GALNTL6: variants seen among roughly 807,000 people sequenced by gnomAD.
GALNTL6 encodes polypeptide N-acetylgalactosaminyltransferase like 6, also known as polypeptide N-acetylgalactosaminyltransferase-like 6.
In GALNTL6, 46 loss-of-function variants were observed where a neutral mutation model predicts 73.7. The observed-to-expected ratio is 0.62, with a 90% CI of 0.49 to 0.80. The LOEUF is 0.80. Among genes scored for constraint, GALNTL6 ranks in the 30% least tolerant of loss-of-function variants. GALNTL6 has a pLI of 0.00. For missense variants in GALNTL6, 604 were observed against 755.0 expected, an observed-to-expected ratio of 0.80 and a Z score of 2.34; for synonymous variants, 259 against 263.7, an observed-to-expected ratio of 0.98 and a Z score of 0.17.
At chr4:172,017,054 C>T (rs1741218879) in intron 2 of GALNTL6, among the ~76,000 whole-genome samples, 1 of 152,114 alleles carries the variant, frequency 6.6e-6, no homozygotes, top group Admixed American at 6.5e-5. Context: ...ATGATTTAGG[C>T]TTCAGGCTAA....
chr4:172,096,657 A>C (rs1015781534), intron 2 of GALNTL6, among the ~76,000 whole-genome samples: 15 of 151,786 alleles, frequency 9.9e-5, no homozygotes, highest in African/African-American at 3.6e-4. Flanking sequence ...TTTTCTTTTC[A>C]AATTTTTCTG....
At chr4:172,517,503 G>T (rs1284281076) in intron 5 of GALNTL6, among the ~76,000 whole-genome samples, 4 of 152,130 alleles carry the variant, frequency 2.6e-5, no homozygotes, top group Admixed American at 2.6e-4. Flanking sequence ...CTGGAAAGTA[G>T]TTATAAAATG....
intron 5 of GALNTL6, among the ~76,000 whole-genome samples, chr4:172,615,493 C>G (rs978370318): frequency 1.6e-4 from 25 of 152,250 alleles, no homozygotes; most frequent in African/African-American, 5.8e-4. Flanking sequence ...CCCCCTTACT[C>G]CCTGGAGTTT....
At chr4:171,923,786 CTGTGTGTGTGTGTGTG>C (rs563244976) in intron 2 of GALNTL6, among the ~76,000 whole-genome samples, 20 of 133,206 alleles carry the variant, frequency 1.5e-4, no homozygotes, top group African/African-American at 4.1e-4. Flanking sequence ...AAAAGTATTG[CTGTGTGTGTGTGTGTG>C]TGTGTGTGTG....
intron 2 of GALNTL6, among the ~76,000 whole-genome samples, chr4:171,988,121 G>A (rs138178281): frequency 0.011 from 1,602 of 152,276 alleles, 23 homozygotes; most frequent in African/African-American, 0.036. Context: ...GCCACTGCAC[G>A]CAGACATGAG....
At chr4:173,035,258 A>G (rs1343352799) in intron 12 of GALNTL6, among the ~76,000 whole-genome samples, 1 of 149,372 alleles carries the variant, frequency 6.7e-6, no homozygotes, top group Non-Finnish European at 1.5e-5. Flanking sequence ...GGCTCACCGC[A>G]ACCTCCGCCT....
chr4:172,561,871 T>A (rs968684076), intron 5 of GALNTL6, among the ~76,000 whole-genome samples: 1 of 152,184 alleles, frequency 6.6e-6, no homozygotes, highest in African/African-American at 2.4e-5. Flanking sequence ...TATATTTTTT[T>A]AATTAGCAAA....
rs577809059 is a variant in GALNTL6, at chr4:172,313,448, C to T, written c.386+1696C>T. Among the ~76,000 whole-genome samples, 70 of 152,222 alleles carry T rather than the reference C, an allele frequency of 4.6e-4. 1 individual carries two copies. Among genetic ancestry groups the T allele is most frequent in the African/African-American group, 1.4e-3 (58 of 41,550 alleles). ...CCACCCCAACACTTCTAATCTCAAT[C>T]TCTTAATGTGTATTCAAGTGGAAAT... On this transcript the variant is annotated intron_variant, in intron 4 of 12. Coordinates refer to ENST00000506823, the MANE Select transcript of GALNTL6 (RefSeq NM_001034845.3).
intron 2 of GALNTL6, among the ~76,000 whole-genome samples, chr4:171,898,556 T>A (rs975526867): frequency 6.6e-6 from 1 of 152,098 alleles, no homozygotes; most frequent in Non-Finnish European, 1.5e-5. Context: ...ACAACTTGTA[T>A]GAATCACAAA....
At chr4:173,022,224 G>GAAGT (rs1554012089) in intron 12 of GALNTL6, among the ~76,000 whole-genome samples, 5 of 133,504 alleles carry the variant, frequency 3.7e-5, no homozygotes, top group South Asian at 2.2e-4. Flanking sequence ...AGGAAGGAAG[G>GAAGT]AAGTTTTGAA....
intron 2 of GALNTL6, among the ~76,000 whole-genome samples, chr4:172,002,228 G>A (rs994084986): frequency 2.0e-5 from 3 of 152,168 alleles, no homozygotes. Context: ...TGTTGAAACT[G>A]AATCCTCAAT....
At chr4:172,715,119 T>C (rs1358203512) in intron 5 of GALNTL6, among the ~76,000 whole-genome samples, 1 of 152,218 alleles carries the variant, frequency 6.6e-6, no homozygotes, top group African/African-American at 2.4e-5. Context: ...GTGTATCTAC[T>C]ACTTGAGGCC....
intron 12 of GALNTL6, among the ~76,000 whole-genome samples, chr4:173,039,224 A>G (rs1379605879): frequency 6.6e-6 from 1 of 152,218 alleles, no homozygotes; most frequent in Non-Finnish European, 1.5e-5. Flanking sequence ...TGCAGAAAGC[A>G]ATGAGAACGG....
chr4:172,931,104 T>C lies in GALNTL6; in HGVS notation c.1042-57T>C. 3 of 921,500 alleles carry C rather than the reference T, an allele frequency of 3.3e-6. No individual in the cohort carries two copies. In the Admixed American group the frequency reaches 5.1e-5, roughly 16 times the overall value. The allele number at this position is 921,500 out of a possible 1,614,324, so 57.1% of individuals were successfully genotyped here. On this transcript the variant is annotated intron_variant, in intron 8 of 12. Coordinates refer to ENST00000506823, the MANE Select transcript of GALNTL6 (RefSeq NM_001034845.3). ...AAGATGGTTTATGAGTCCTACTGATTATTCCTTTCTTGTGTGAAATTCACT... is the reference window on the plus strand; with the variant it reads ...AAGATGGTTTATGAGTCCTACTGATCATTCCTTTCTTGTGTGAAATTCACT...
intron 8 of GALNTL6, among the ~76,000 whole-genome samples, chr4:172,897,546 T>G (rs1746395244): frequency 6.6e-6 from 1 of 152,212 alleles, no homozygotes. Flanking sequence ...CAGATGGTTT[T>G]TTATTATAGG....
chr4:172,296,083 A>G (rs1308620513), intron 3 of GALNTL6, among the ~76,000 whole-genome samples: 13 of 152,130 alleles, frequency 8.5e-5, no homozygotes, highest in African/African-American at 2.9e-4. Context: ...TAACTCATCA[A>G]TGATATATGA....
intron 5 of GALNTL6, among the ~76,000 whole-genome samples, chr4:172,382,176 C>A (rs923276482): frequency 6.6e-6 from 1 of 152,040 alleles, no homozygotes; most frequent in Non-Finnish European, 1.5e-5. Flanking sequence ...ACCATTTTGG[C>A]AAGGCTGGTC....
At chr4:172,972,547 A>G (rs969431898) in intron 10 of GALNTL6, among the ~76,000 whole-genome samples, 12 of 152,224 alleles carry the variant, frequency 7.9e-5, no homozygotes, top group African/African-American at 2.4e-5. Flanking sequence ...AATAACTTCA[A>G]TCCAATCAGT....
intron 2 of GALNTL6, among the ~76,000 whole-genome samples, chr4:171,878,630 T>A (rs1476626957): frequency 5.3e-5 from 8 of 152,214 alleles, no homozygotes; most frequent in Admixed American, 5.2e-4. Flanking sequence ...AGCATTTTTT[T>A]ATTGCTTATG....
Sources: gnomAD v4.1 joint callset for allele counts (sites outside exome capture counted in the v4.1 genomes callset) on GRCh38, gnomAD v4.1.1 for gene constraint, MANE v1.5 for transcripts, NCBI Gene and HGNC (gene_info 2026-07-23, HGNC 2026-07-21) for gene names.